Variants in GLG1 observed in about 807,000 individuals in gnomAD.
The protein encoded by GLG1 is golgi glycoprotein 1.
A neutral mutation model predicts 160.5 loss-of-function variants in GLG1; 38 were observed. The ratio of observed to expected loss-of-function variants is 0.24; its 90% CI spans 0.18 to 0.31. GLG1 has a LOEUF of 0.31. GLG1 is among the 10% of genes least tolerant of loss of function. The probability of loss-of-function intolerance (pLI) is 1.00; values close to 1 mark genes in which losing one functional copy is unlikely to be tolerated. For missense variants in GLG1, 1,373 were observed against 1,505.2 expected (o/e 0.91, Z 1.45); for synonymous variants, 644 against 543.4 (o/e 1.19, Z -2.57).
intron 3 of GLG1, among the ~76,000 whole-genome samples, chr16:74,505,582 C>T (rs893292828): frequency 1.3e-5 from 2 of 152,120 alleles, no homozygotes; most frequent in African/African-American, 2.4e-5. Flanking sequence ...TGGCCAGGTG[C>T]GGTGGCTCAT....
At chr16:74,476,308 T>C (rs1190660150) in intron 12 of GLG1, among the ~76,000 whole-genome samples, 1 of 152,204 alleles carries the variant, frequency 6.6e-6, no homozygotes, top group Non-Finnish European at 1.5e-5. Flanking sequence ...CAAATCACCA[T>C]ATCCCTTGTT....
chr16:74,518,328 C>G (rs185246153), intron 2 of GLG1, among the ~76,000 whole-genome samples: 1 of 152,246 alleles, frequency 6.6e-6, no homozygotes, highest in East Asian at 1.9e-4. Flanking sequence ...ACCAAAACAG[C>G]GTGGTACTGG....
intron 5 of GLG1, among the ~76,000 whole-genome samples, chr16:74,495,735 A>T (rs1404611340): frequency 6.6e-6 from 1 of 152,232 alleles, no homozygotes; most frequent in Non-Finnish European, 1.5e-5. Flanking sequence ...ATCCTGGGTA[A>T]AATAAAATTC....
chr16:74,573,753 G>C (rs2018905799), intron 1 of GLG1, among the ~76,000 whole-genome samples: 1 of 150,824 alleles, frequency 6.6e-6, no homozygotes, highest in South Asian at 2.1e-4. Context: ...CTCCCAAAGA[G>C]CTGGGATTAC....
chr16:74,455,462 C>T (rs1045863281), intron 25 of GLG1, among the ~76,000 whole-genome samples: 15 of 152,294 alleles, frequency 9.8e-5, no homozygotes, highest in South Asian at 6.2e-4. Context: ...AATGAAGTAA[C>T]GCAGCATCTC....
intron 1 of GLG1, among the ~76,000 whole-genome samples, chr16:74,549,967 AG>A (rs2018153422): frequency 6.6e-6 from 1 of 152,176 alleles, no homozygotes; most frequent in Non-Finnish European, 1.5e-5. Context: ...GAAAAAAAAA[AG>A]TTAGCCGGGC....
chr16:74,465,085 C>T (rs539173382), intron 19 of GLG1, among the ~76,000 whole-genome samples: 3 of 152,126 alleles, frequency 2.0e-5, no homozygotes, highest in African/African-American at 4.8e-5. Context: ...GTGATCCTCC[C>T]GCCTTGGCCT....
chr16:74,564,560 G>A (rs909531640), intron 1 of GLG1, among the ~76,000 whole-genome samples: 6 of 152,186 alleles, frequency 3.9e-5, no homozygotes, highest in Non-Finnish European at 8.8e-5. Flanking sequence ...ATGATCATGA[G>A]GACACCAAAA....
chr16:74,487,544 T>C (rs531562469), intron 8 of GLG1, among the ~76,000 whole-genome samples: 3 of 152,292 alleles, frequency 2.0e-5, no homozygotes, highest in Admixed American at 6.5e-5. Context: ...CAAAAATTAT[T>C]GGTGGCAATT....
chr16:74,448,922 G>A lies in GLG1; in HGVS notation c.*4245C>T, dbSNP rs1391455262. On this transcript the variant is annotated 3_prime_UTR_variant, in exon 26 of 26. Transcript: ENST00000422840. ...TGGAGACCATCCTGGACAACACGGT[G>A]AAACCCCGTCTCTACTAAAAATACA... 6.6e-6 allele frequency: 1 copy of A among 152,000 alleles called. No individual in the cohort carries two copies. The highest frequency in any genetic ancestry group is 1.9e-4 in the East Asian group (1 of 5,166). The allele number at this position is 152,000 out of a possible 1,614,324, so 9.4% of individuals were successfully genotyped here.
intron 2 of GLG1, among the ~76,000 whole-genome samples, chr16:74,521,525 G>C (rs2017164113): frequency 6.6e-6 from 1 of 152,136 alleles, no homozygotes; most frequent in Admixed American, 6.5e-5. Flanking sequence ...AAGAGGAGAA[G>C]AATCAAGGTT....
Position 74,573,967 on chromosome 16 carries a change from G to C in GLG1, c.438+32690C>G, listed in dbSNP as rs1159264053. On this transcript the variant is annotated intron_variant, in intron 1 of 25. Transcript: ENST00000422840. ...CACCACTACACCCCACTAATTTTTT[G>C]TAGAGGCATGACTTCTCCATGTTGC... Among the ~76,000 whole-genome samples the C allele has an allele frequency of 3.3e-5, 5 of 151,764 alleles. No individual in the cohort carries two copies. The East Asian group carries it at 7.8e-4, about 24-fold the overall frequency.
At chr16:74,549,699 T>C (rs546572098) in intron 1 of GLG1, among the ~76,000 whole-genome samples, 3 of 152,068 alleles carry the variant, frequency 2.0e-5, no homozygotes, top group African/African-American at 7.2e-5. Context: ...CACCTTTTAT[T>C]TTCAGGAGAA....
chr16:74,577,974 A>G (rs1320726517), intron 1 of GLG1, among the ~76,000 whole-genome samples: 1 of 151,906 alleles, frequency 6.6e-6, no homozygotes, highest in Non-Finnish European at 1.5e-5. Flanking sequence ...GGAGTTCAAG[A>G]CCAGCCTGGA....
intron 12 of GLG1, 84 bp downstream of exon 12, chr16:74,477,312 T>C (rs2015418649): frequency 9.9e-7 from 1 of 1,006,638 alleles, no homozygotes; most frequent in African/African-American, 1.6e-5. Context: ...GAGAGATGGA[T>C]TTTATGGTGT....
chr16:74,606,462 GC>G (rs1156665039), intron 1 of GLG1, among the ~76,000 whole-genome samples, 194 bp downstream of exon 1: 2 of 152,188 alleles, frequency 1.3e-5, no homozygotes, highest in Admixed American at 6.5e-5. Context: ...GGAAATAAGG[GC>G]GGGGGAAAGA....
At chr16:74,576,372 C>A (rs2019004490) in intron 1 of GLG1, among the ~76,000 whole-genome samples, 1 of 152,054 alleles carries the variant, frequency 6.6e-6, no homozygotes, top group South Asian at 2.1e-4. Context: ...TAAAATGACA[C>A]CATGATTTGG....
chr16:74,545,278 T>C (rs540131946), intron 1 of GLG1, among the ~76,000 whole-genome samples: 64 of 152,156 alleles, frequency 4.2e-4, no homozygotes, highest in African/African-American at 1.5e-3. Flanking sequence ...CCTCCCAGCC[T>C]CAAGTGACCC....
At chr16:74,496,360 A>C in intron 5 of GLG1, 81 bp downstream of exon 5, 1 of 995,070 alleles carries the variant, frequency 1.0e-6, no homozygotes. Flanking sequence ...CTCAAAAAAC[A>C]ACACAATTAA....
Sources: allele counts gnomAD v4.1 joint callset (sites outside exome capture counted in the v4.1 genomes callset), GRCh38; gene constraint gnomAD v4.1.1; transcripts MANE v1.5; gene names NCBI Gene and HGNC (gene_info 2026-07-23, HGNC 2026-07-21).